Variants in PRDM16 observed in about 807,000 individuals in gnomAD.
The protein encoded by PRDM16 is PR/SET domain 16.
Under a neutral mutation model 110.6 loss-of-function variants are expected in PRDM16, and 23 were observed. The observed-to-expected ratio is 0.21, with a 90% CI of 0.15 to 0.29. The LOEUF is 0.29. Among genes scored for constraint, PRDM16 ranks in the 10% least tolerant of loss-of-function variants. The pLI is 1.00. For missense variants in PRDM16, 1,615 were observed against 1,794.3 expected, an observed-to-expected ratio of 0.90 and a Z score of 1.81; for synonymous variants, 799 against 781.8, an observed-to-expected ratio of 1.02 and a Z score of -0.37.
At chr1:3,352,251 C>A (rs968634856) in intron 3 of PRDM16, among the ~76,000 whole-genome samples, 52 of 152,200 alleles carry the variant, frequency 3.4e-4, no homozygotes, top group Non-Finnish European at 1.2e-4. Context: ...CCCAGCCGTG[C>A]TGCCCCCACC....
At chr1:3,106,886 G>A (rs1331804931) in intron 1 of PRDM16, among the ~76,000 whole-genome samples, 1 of 152,190 alleles carries the variant, frequency 6.6e-6, no homozygotes, top group African/African-American at 2.4e-5. Context: ...TCTCTAGTGG[G>A]CAGGTGTGGC....
At position 3,425,734 on chromosome 1, in the gene PRDM16, G is replaced by A; in HGVS notation, c.3093G>A (p.Glu1031=). 2 of 1,613,630 alleles carry A rather than the reference G, an allele frequency of 1.2e-6. No homozygotes were observed. The highest frequency in any genetic ancestry group is 1.7e-6 in the Non-Finnish European group (2 of 1,179,928). ...TGGACCGGCACCTCAAGAAGCACGA[G>A]CACGAGAACGCACCAGGTGGGCCAC... ...TNLDRHLKKH[E]HENAPVSQHP... Residue 1031 remains glutamate, a synonymous_variant, in exon 13 of 17, where the codon GAG becomes GAA. Transcript: ENST00000270722. The surrounding 1 kb of genome is among the most constrained non-coding windows in gnomAD (Gnocchi z 6.9).
intron 3 of PRDM16, among the ~76,000 whole-genome samples, chr1:3,261,820 C>T (rs1175695694): frequency 2.6e-5 from 4 of 152,188 alleles, no homozygotes; most frequent in Admixed American, 6.5e-5. Context: ...CGTTCAGAAA[C>T]GTGCCCCAGG....
In PRDM16 at chr1:3,127,296, G is replaced by T. The variant is rs568647776; in HGVS notation, c.37+58000G>T. Among the ~76,000 whole-genome samples, 6 of 152,312 alleles carry T rather than the reference G, an allele frequency of 3.9e-5. No homozygotes were observed. The South Asian group carries it at 1.2e-3, about 32-fold the overall frequency. On this transcript the variant is annotated intron_variant, in intron 1 of 16. Coordinates refer to ENST00000270722, the MANE Select transcript of PRDM16 (RefSeq NM_022114.4). Reference sequence around the variant, plus strand: ...TATTTAAAATGCATAACGGCGGTGCGCAGGCTTTGCCAAAAGCTGATATAT... The same window carrying T: ...TATTTAAAATGCATAACGGCGGTGCTCAGGCTTTGCCAAAAGCTGATATAT...
At chr1:3,074,183 C>A (rs1455913793) in intron 1 of PRDM16, among the ~76,000 whole-genome samples, 1 of 152,198 alleles carries the variant, frequency 6.6e-6, no homozygotes, top group Non-Finnish European at 1.5e-5. Context: ...GGGGACAGGA[C>A]ACCTCCTCCC....
chr1:3,314,071 C>CGG lies in PRDM16; in HGVS notation c.438+69944_438+69945dup, dbSNP rs747479644. ...GCCCCCGAATGCCGTCCTTCCCCAC[C>CGG]GGGGGGGGGGGCGGGAACATAAAAT... is the stretch of plus-strand genomic sequence containing the variant. On this transcript the variant is annotated intron_variant, in intron 3 of 16. Coordinates refer to ENST00000270722, the MANE Select transcript of PRDM16 (RefSeq NM_022114.4). Among the ~76,000 whole-genome samples the CGG allele has an allele frequency of 1.1e-3, 113 of 100,642 alleles. 5 individuals carry two copies. Among genetic ancestry groups the CGG allele is most frequent in the Middle Eastern group, 4.2e-3 (1 of 240 alleles). 66.0% of individuals were successfully genotyped at this position (100,642 alleles called of 152,430 possible).
At chr1:3,233,644 C>G (rs901081212) in intron 2 of PRDM16, among the ~76,000 whole-genome samples, 12 of 152,224 alleles carry the variant, frequency 7.9e-5, no homozygotes, top group African/African-American at 2.9e-4. Flanking sequence ...TCAGCAGCCT[C>G]CCTGTTGCCT....
chr1:3,178,110 G>A (rs1046129670), intron 1 of PRDM16, among the ~76,000 whole-genome samples: 7 of 152,164 alleles, frequency 4.6e-5, no homozygotes, highest in African/African-American at 1.7e-4. Flanking sequence ...GCGAGCTGAG[G>A]AGTGGATCCT....
chr1:3,115,053 C>T (rs1296481739), intron 1 of PRDM16, among the ~76,000 whole-genome samples: 1 of 152,268 alleles, frequency 6.6e-6, no homozygotes, highest in Non-Finnish European at 1.5e-5. Context: ...ATTTGGTTTT[C>T]AGCCACAGTG....
rs962835791 is a variant in PRDM16 at position 3,339,753 on chromosome 1, TC to T, written c.439-45393del. Among the ~76,000 whole-genome samples the T allele has an allele frequency of 1.3e-5, 2 of 151,386 alleles. No individual in the cohort carries two copies. The highest frequency in any genetic ancestry group is 4.9e-5 in the African/African-American group (2 of 41,138). ...AGAACTGTGGGAGACGGGGCTAAACTCCCCCCTCACCTGCCTCACCATTCCC... is the reference window on the plus strand; with the variant it reads ...AGAACTGTGGGAGACGGGGCTAAACTCCCCCTCACCTGCCTCACCATTCCC... On this transcript the variant is annotated intron_variant, in intron 3 of 16. Coordinates refer to ENST00000270722, the MANE Select transcript of PRDM16 (RefSeq NM_022114.4). This position sits in a 1 kb window ranked among gnomAD's most constrained non-coding sequence, Gnocchi z 5.0.
chr1:3,157,476 T>C lies in PRDM16; in HGVS notation c.38-28649T>C, dbSNP rs1174745012. ...TGGGGGCTGGGGGTTGATTGTCTCT[T>C]GAAAACAGACATGGGCCAGATCCAG... On this transcript the variant is annotated intron_variant, in intron 1 of 16. Transcript: ENST00000270722. The surrounding 1 kb of genome is among the most constrained non-coding windows in gnomAD (Gnocchi z 4.8). Among the ~76,000 whole-genome samples, 1 of 148,040 alleles carries C rather than the reference T, an allele frequency of 6.8e-6. No individual in the cohort carries two copies. The highest frequency in any genetic ancestry group is 2.5e-5 in the African/African-American group (1 of 39,858).
At position 3,181,913 on chromosome 1, in the gene PRDM16, CAGTCTTACACAT is replaced by C. The variant is rs1158631238; in HGVS notation, c.38-4211_38-4200del. 1.4e-3 allele frequency among the ~76,000 whole-genome samples: 152 copies of C among 106,308 alleles called. 1 individual carries two copies. The highest frequency in any genetic ancestry group is 4.7e-3 in the African/African-American group (147 of 31,540). 69.7% of individuals were successfully genotyped at this position (106,308 alleles called of 152,430 possible). On this transcript the variant is annotated intron_variant, in intron 1 of 16. Coordinates refer to ENST00000270722, the MANE Select transcript of PRDM16 (RefSeq NM_022114.4). ...AGTCTTACACACGGTCTTACACACG[CAGTCTTACACAT>C]GGTCTTACACATGCTTACACACACA...
At chr1:3,124,055 G>A (rs894637127) in intron 1 of PRDM16, among the ~76,000 whole-genome samples, 15 of 152,178 alleles carry the variant, frequency 9.9e-5, no homozygotes, top group African/African-American at 2.9e-4. Context: ...GCTGCCTTTG[G>A]GACCCCATGT....
intron 3 of PRDM16, among the ~76,000 whole-genome samples, chr1:3,379,261 C>G (rs1643055366): frequency 1.5e-5 from 1 of 65,118 alleles, no homozygotes; most frequent in Admixed American, 1.3e-4. Context: ...CCTCCCAGCA[C>G]ACCCCTCCCA....
intron 3 of PRDM16, among the ~76,000 whole-genome samples, chr1:3,299,024 C>G (rs561874230): frequency 6.6e-6 from 1 of 152,220 alleles, no homozygotes; most frequent in Non-Finnish European, 1.5e-5. Flanking sequence ...ATTTTGTCCT[C>G]GGACCAGCAC....
chr1:3,211,361 A>G (rs6424068), intron 2 of PRDM16, among the ~76,000 whole-genome samples: 24,362 of 152,252 alleles, frequency 0.16, 2,496 homozygotes, highest in African/African-American at 0.28. Context: ...TCCACCTGAA[A>G]GTTGAGATAT....
chr1:3,246,814 G>C lies in PRDM16; in HGVS notation c.438+2677G>C, dbSNP rs557382713. On this transcript the variant is annotated intron_variant, in intron 3 of 16. Transcript: ENST00000270722. This position sits in a 1 kb window ranked among gnomAD's most constrained non-coding sequence, Gnocchi z 5.2. The stretch of plus-strand genomic sequence containing the variant: ...TTTCTAGGCACTCTCGGGGAGCCGG[G>C]GGGGTTGGGGCTGAGAGACTGAGAG... Among the ~76,000 whole-genome samples, 6 of 152,304 alleles carry C rather than the reference G, an allele frequency of 3.9e-5. No homozygotes were observed. The highest frequency in any genetic ancestry group is 1.4e-4 in the African/African-American group (6 of 41,564).
intron 1 of PRDM16, among the ~76,000 whole-genome samples, chr1:3,106,043 A>G (rs1029957508): frequency 2.0e-5 from 3 of 151,058 alleles, no homozygotes; most frequent in African/African-American, 7.3e-5. Context: ...TCCTGGGTGC[A>G]GGGCTCAGGG....
chr1:3,183,675 A>G (rs951635810), intron 1 of PRDM16, among the ~76,000 whole-genome samples: 1 of 152,142 alleles, frequency 6.6e-6, no homozygotes, highest in East Asian at 1.9e-4. Context: ...TTGGCCAGTA[A>G]ATTAAACATG....
Sources: allele counts gnomAD v4.1 joint callset (sites outside exome capture counted in the v4.1 genomes callset), GRCh38; gene constraint gnomAD v4.1.1; non-coding constraint Gnocchi (gnomAD v3.1); transcripts MANE v1.5; gene names NCBI Gene and HGNC (gene_info 2026-07-23, HGNC 2026-07-21).